The following NDST3 variants were observed in gnomAD, a reference collection of about 807,000 sequenced individuals.
NDST3 encodes N-deacetylase and N-sulfotransferase 3.
In NDST3, 58 loss-of-function variants were observed where a neutral mutation model predicts 96.1. That is an observed-to-expected ratio of 0.60 (90% confidence interval 0.49 to 0.75). The LOEUF is 0.75. Ranked by LOEUF, NDST3 falls within the 30% of genes least tolerant of loss-of-function variation. The probability of loss-of-function intolerance (pLI) is 0.00; values close to 1 mark genes in which losing one functional copy is unlikely to be tolerated. For synonymous variants in NDST3, 333 were observed against 359.7 expected (o/e 0.93, Z 0.84); for missense variants, 788 against 1,034.2 (o/e 0.76, Z 3.27).
rs2389518 is a variant in NDST3 at position 118,088,064 on chromosome 4, C to G, written c.982-16954C>G. 6.7e-3 allele frequency among the ~76,000 whole-genome samples: 1,012 copies of G among 151,974 alleles called. 8 individuals are homozygous for G. The highest frequency in any genetic ancestry group is 0.023 in the African/African-American group (970 of 41,442). ...ATGAAGCTGAAAATAAGTGGAACAGCTGGCAATAAAACCTTAGCCACTAAC... is the reference window on the plus strand; with the variant it reads ...ATGAAGCTGAAAATAAGTGGAACAGGTGGCAATAAAACCTTAGCCACTAAC... On this transcript the variant is annotated intron_variant, in intron 2 of 13. Transcript: ENST00000296499.
At chr4:118,240,444 G>A (rs191909687) in intron 10 of NDST3, 80 bp from the exon 11 acceptor site, 5 of 1,238,874 alleles carry the variant, frequency 4.0e-6, no homozygotes, top group Non-Finnish European at 5.4e-6. Flanking sequence ...CTTTAGCTTT[G>A]AGACTTGTCA....
At chr4:118,193,350 C>T in intron 6 of NDST3, 1 of 466,226 alleles carries the variant, frequency 2.1e-6, no homozygotes, top group East Asian at 3.9e-5. Context: ...ACTAACAGGG[C>T]AGAGTAGGGA....
At chr4:118,126,838 C>T (rs971361207) in intron 4 of NDST3, among the ~76,000 whole-genome samples, 1 of 151,978 alleles carries the variant, frequency 6.6e-6, no homozygotes, top group Non-Finnish European at 1.5e-5. Flanking sequence ...CTTTTCTCTA[C>T]ATCTCTCCAG....
At chr4:118,252,255 T>C (rs1578878379) in intron 12 of NDST3, among the ~76,000 whole-genome samples, 1 of 152,144 alleles carries the variant, frequency 6.6e-6, no homozygotes, top group Non-Finnish European at 1.5e-5. Flanking sequence ...AATAATAATA[T>C]AAAACCTACT....
At position 118,054,198 on chromosome 4, in the gene NDST3, T is replaced by G. The variant is rs759351123; in HGVS notation, c.288T>G (p.Ile96Met). 20 of 1,612,944 alleles carry G rather than the reference T, an allele frequency of 1.2e-5. No homozygotes were observed. The highest frequency in any genetic ancestry group is 1.6e-5 in the Non-Finnish European group (19 of 1,179,398). The change falls in exon 2 of 14, where the codon ATT (isoleucine) becomes ATG (methionine). Residue 96 changes from isoleucine to methionine, a missense_variant. Around this residue, in one of 3 missense-constraint regions of NDST3, gnomAD observed 234 missense variants for 256.9 expected, o/e 0.91. Coordinates refer to ENST00000296499, the MANE Select transcript of NDST3 (RefSeq NM_004784.3). ...SQYSSLGQDI[I>M]MILESSRFQY... ...ACTCATCTCTTGGTCAAGACATCAT[T>G]ATGATTCTAGAATCAAGTAGATTCC...
chr4:118,071,390 T>G (rs942607479), intron 2 of NDST3, among the ~76,000 whole-genome samples: 8 of 152,086 alleles, frequency 5.3e-5, no homozygotes, highest in African/African-American at 1.9e-4. Context: ...AATAGTTAGT[T>G]TTTTGATCCT....
chr4:118,214,508 AATT>A (rs943574988), intron 6 of NDST3, among the ~76,000 whole-genome samples: 13 of 152,230 alleles, frequency 8.5e-5, no homozygotes, highest in African/African-American at 2.4e-4. Context: ...GATTTTATTC[AATT>A]ATTATTATTT....
chr4:118,041,127 C>T (rs1350009238), intron 1 of NDST3, among the ~76,000 whole-genome samples: 2 of 151,910 alleles, frequency 1.3e-5, no homozygotes, highest in African/African-American at 4.8e-5. Context: ...ACTGCAGCAT[C>T]TAAAGATAAT....
At chr4:118,089,987 G>C (rs2389520) in intron 2 of NDST3, among the ~76,000 whole-genome samples, 114,298 of 151,814 alleles carry the variant, frequency 0.75, 45,676 homozygotes, top group South Asian at 0.92. Flanking sequence ...AGAGGAAAAG[G>C]CACAAAGGGT....
At chr4:118,063,761 C>G (rs1438694356) in intron 2 of NDST3, among the ~76,000 whole-genome samples, 2 of 152,128 alleles carry the variant, frequency 1.3e-5, no homozygotes, top group African/African-American at 4.8e-5. Flanking sequence ...GAAACTGAGG[C>G]TGATAGATTA....
chr4:118,240,193 A>G (rs112375709), intron 10 of NDST3, among the ~76,000 whole-genome samples: 1 of 151,946 alleles, frequency 6.6e-6, no homozygotes, highest in Non-Finnish European at 1.5e-5. Flanking sequence ...TATGAGCTGG[A>G]AAGAGGGCAT....
intron 4 of NDST3, among the ~76,000 whole-genome samples, chr4:118,123,730 C>A (rs568694964): frequency 4.5e-4 from 69 of 152,030 alleles, no homozygotes; most frequent in Non-Finnish European, 7.2e-4. Context: ...AAAGATATGA[C>A]AACACTTCAA....
chr4:118,209,097 G>C (rs1294285514), intron 6 of NDST3, among the ~76,000 whole-genome samples: 1 of 152,260 alleles, frequency 6.6e-6, no homozygotes, highest in South Asian at 2.1e-4. Flanking sequence ...AACACATTTA[G>C]AGATGTTTAA....
chr4:118,161,172 C>A (rs534432273), intron 6 of NDST3, among the ~76,000 whole-genome samples: 1 of 152,364 alleles, frequency 6.6e-6, no homozygotes, highest in African/African-American at 2.4e-5. Flanking sequence ...ACAGCGGCAG[C>A]TGCAGAACAG....
At chr4:118,232,577 G>A (rs557461858) in intron 8 of NDST3, among the ~76,000 whole-genome samples, 4 of 151,702 alleles carry the variant, frequency 2.6e-5, no homozygotes, top group East Asian at 1.9e-4. Context: ...TGTCAAGGTT[G>A]TAGTGAGCCA....
At chr4:118,047,568 G>A (rs988035705) in intron 1 of NDST3, among the ~76,000 whole-genome samples, 4 of 152,150 alleles carry the variant, frequency 2.6e-5, no homozygotes, top group Non-Finnish European at 5.9e-5. Flanking sequence ...TGAACTACTA[G>A]AGCTGAAAAA....
chr4:118,223,041 G>A (rs1270701486), intron 6 of NDST3, among the ~76,000 whole-genome samples: 1 of 151,772 alleles, frequency 6.6e-6, no homozygotes, highest in Non-Finnish European at 1.5e-5. Context: ...TACTAACCAG[G>A]TTAAAAATAC....
chr4:118,035,378 T>C (rs1724088027), intron 1 of NDST3, among the ~76,000 whole-genome samples: 1 of 151,834 alleles, frequency 6.6e-6, no homozygotes, highest in Non-Finnish European at 1.5e-5. Context: ...TTGTATTAAA[T>C]TAAAATACAA....
chr4:118,184,014 C>T (rs1674155345), intron 6 of NDST3, among the ~76,000 whole-genome samples: 2 of 152,204 alleles, frequency 1.3e-5, no homozygotes, highest in African/African-American at 4.8e-5. Flanking sequence ...CAGGCCACCC[C>T]TCACTCACAG....
Sources: gnomAD v4.1 joint callset for allele counts (sites outside exome capture counted in the v4.1 genomes callset) on GRCh38, gnomAD v4.1.1 for gene constraint, gnomAD v4.1.1 regional missense constraint, MANE v1.5 for transcripts, NCBI Gene and HGNC (gene_info 2026-07-23, HGNC 2026-07-21) for gene names.